ZNF208: variants seen among roughly 807,000 people sequenced by gnomAD.
ZNF208 encodes zinc finger protein 95.
ZNF208 carries 10 observed loss-of-function variants against 12.1 expected under a neutral mutation model. That is an observed-to-expected ratio of 0.83 (90% CI 0.51 to 1.40). The LOEUF (loss-of-function observed/expected upper bound fraction) is 1.40. ZNF208 is among the 40% of genes most tolerant of loss of function. The pLI, the probability that ZNF208 is intolerant of heterozygous loss-of-function variation, is 0.00. For missense variants in ZNF208, 1,652 were observed against 1,485.0 expected (o/e 1.11, Z -1.85); for synonymous variants, 497 against 488.4 (o/e 1.02, Z -0.23).
chr19:22,000,517 C>CA (rs1366391969), intron 1 of ZNF208, among the ~76,000 whole-genome samples: 1 of 151,976 alleles, frequency 6.6e-6, no homozygotes, highest in African/African-American at 2.4e-5. Context: ...CAAATAAGAA[C>CA]AAAAATACAA....
intron 4 of ZNF208, among the ~76,000 whole-genome samples, chr19:21,959,403 C>A (rs1970027714): frequency 6.6e-6 from 1 of 152,144 alleles, no homozygotes; most frequent in African/African-American, 2.4e-5. Flanking sequence ...GAAAAATTAA[C>A]TTATTTTATT....
intron 1 of ZNF208, among the ~76,000 whole-genome samples, chr19:22,000,025 G>A (rs964596690): frequency 2.0e-5 from 3 of 152,104 alleles, no homozygotes; most frequent in African/African-American, 7.2e-5. Flanking sequence ...AGAGAGGAAG[G>A]TGTTATAAAA....
In ZNF208 at chr19:21,968,434, T is replaced by C. The variant is rs1025604683; in HGVS notation, c.*2757A>G. On this transcript the variant is annotated 3_prime_UTR_variant, in exon 4 of 4. Transcript: ENST00000397126. Reference sequence around the variant, plus strand: ...AATATTGGGTTTTCTTGAATGCTTTTTCTGCCCCTACTGTTATTTTTTTTT... The same window carrying C: ...AATATTGGGTTTTCTTGAATGCTTTCTCTGCCCCTACTGTTATTTTTTTTT... The C allele has an allele frequency of 1.3e-5, 2 of 152,118 alleles. No individual in the cohort carries two copies. Among genetic ancestry groups the C allele is most frequent in the African/African-American group, 4.8e-5 (2 of 41,418 alleles). 9.4% of individuals were successfully genotyped at this position (152,118 alleles called of 1,614,324 possible). A position where few individuals can be genotyped will look rare whatever the true frequency, so the allele number is the denominator to read the frequency against.
In ZNF208 at chr19:21,971,906, C is replaced by T. The variant is rs1409393289; in HGVS notation, c.3128G>A (p.Ser1043Asn). 6 of 1,521,576 alleles carry T rather than the reference C, an allele frequency of 3.9e-6. No homozygotes were observed. Among genetic ancestry groups the T allele is most frequent in the Non-Finnish European group, 5.4e-6 (6 of 1,119,176 alleles). 94.3% of individuals were successfully genotyped at this position (1,521,576 alleles called of 1,614,324 possible). Residue 1043 changes from serine (S) to asparagine (N), a missense_variant, in exon 4 of 4, where the codon AGC becomes AAC. Physicochemically the swap from Ser to Asn is conservative, Grantham distance 46. Coordinates refer to ENST00000397126, the MANE Select transcript of ZNF208 (RefSeq NM_007153.3). The stretch of plus-strand genomic sequence containing the variant: ...ATGAGTTGCCTTATGTTCAGTAAGG[C>T]TTGAGGGCCAGCTGAAGGCTTTGTC... ...ECDKAFSWPS[S>N]LTEHKATHAG...
intron 1 of ZNF208, among the ~76,000 whole-genome samples, chr19:22,002,826 A>G (rs772241290): frequency 1.3e-5 from 2 of 152,218 alleles, no homozygotes; most frequent in African/African-American, 2.4e-5. Flanking sequence ...AATATTTTTA[A>G]CAGAACTAAA....
At chr19:21,994,565 T>C (rs1970796514) in intron 1 of ZNF208, among the ~76,000 whole-genome samples, 1 of 152,148 alleles carries the variant, frequency 6.6e-6, no homozygotes, top group South Asian at 2.1e-4. Flanking sequence ...TTTTTAAGCT[T>C]ACTTAAGTAA....
intron 4 of ZNF208, chr19:21,940,772 A>G (rs1308159741): frequency 2.0e-5 from 3 of 152,530 alleles, no homozygotes; most frequent in Non-Finnish European, 2.9e-5. Flanking sequence ...CACGGTGTCT[A>G]CGGGCCCCTG....
chr19:22,001,413 TCTACC>T (rs1473789705), intron 1 of ZNF208, among the ~76,000 whole-genome samples: 1 of 152,164 alleles, frequency 6.6e-6, no homozygotes, highest in Non-Finnish European at 1.5e-5. Context: ...ACAGCTGAAT[TCTACC>T]AGATGTACAA....
At chr19:21,957,671 T>C (rs142375725) in intron 4 of ZNF208, among the ~76,000 whole-genome samples, 1,881 of 152,254 alleles carry the variant, frequency 0.012, 32 homozygotes, top group African/African-American at 0.042. Flanking sequence ...ATCTAAGATT[T>C]CTTTTGGAAC....
intron 4 of ZNF208, among the ~76,000 whole-genome samples, chr19:21,950,624 G>A (rs930484210): frequency 4.0e-5 from 6 of 151,816 alleles, no homozygotes; most frequent in Non-Finnish European, 7.4e-5. Flanking sequence ...CTCCCAAGTA[G>A]CTGGGATTAC....
chr19:22,006,341 C>G (rs539098447), intron 1 of ZNF208, among the ~76,000 whole-genome samples: 1 of 152,060 alleles, frequency 6.6e-6, no homozygotes, highest in Non-Finnish European at 1.5e-5. Flanking sequence ...GTACTTCCTC[C>G]TGTTGTAATA....
chr19:21,987,191 G>C lies in ZNF208; in HGVS notation c.226+25C>G, dbSNP rs1475147034. 2.5e-6 allele frequency: 4 copies of C among 1,599,854 alleles called. No homozygotes were observed. The East Asian group carries it at 6.8e-5, about 27-fold the overall frequency. ...CCTTGACTTTCGACCTCTCATCCATGTTGTCTGTATTCACTCTCACCTACC... is the reference window on the plus strand; with the variant it reads ...CCTTGACTTTCGACCTCTCATCCATCTTGTCTGTATTCACTCTCACCTACC... On this transcript the variant is annotated intron_variant, in intron 3 of 3. Transcript: ENST00000397126.
chr19:21,959,952 C>A (rs1304395453), intron 4 of ZNF208, among the ~76,000 whole-genome samples: 39 of 151,994 alleles, frequency 2.6e-4, no homozygotes, highest in Non-Finnish European at 8.8e-5. Flanking sequence ...ATTTTGTCAG[C>A]TTAGTATTTA....
chr19:21,959,571 CTTTG>C (rs1263137087), intron 4 of ZNF208, among the ~76,000 whole-genome samples: 1 of 152,132 alleles, frequency 6.6e-6, no homozygotes, highest in Non-Finnish European at 1.5e-5. Context: ...TGAATGATCC[CTTTG>C]TTTTTCAGGC....
chr19:21,954,657 C>T (rs147408523), intron 4 of ZNF208, among the ~76,000 whole-genome samples: 118 of 152,092 alleles, frequency 7.8e-4, no homozygotes, highest in African/African-American at 2.2e-3. Context: ...GGATTGCAAC[C>T]CCTGCTTTTT....
At chr19:21,957,836 T>C (rs1970000400) in intron 4 of ZNF208, among the ~76,000 whole-genome samples, 1 of 151,840 alleles carries the variant, frequency 6.6e-6, no homozygotes, top group Non-Finnish European at 1.5e-5. Context: ...TATTTTATTT[T>C]ATTTTATTAT....
intron 3 of ZNF208, among the ~76,000 whole-genome samples, chr19:21,975,797 G>C (rs1164040374): frequency 9.1e-5 from 4 of 43,730 alleles, no homozygotes; most frequent in Non-Finnish European, 1.8e-4. Flanking sequence ...CAGTCCAGAA[G>C]AAAACTGTGT....
intron 3 of ZNF208, among the ~76,000 whole-genome samples, chr19:21,982,229 G>T (rs1970554329): frequency 6.6e-6 from 1 of 151,802 alleles, no homozygotes; most frequent in African/African-American, 2.4e-5. Context: ...ATGGTGGCAG[G>T]CGCCTGTAGT....
chr19:21,966,074 C>T (rs1035925037), downstream of ZNF208: 3 of 150,698 alleles, frequency 2.0e-5, no homozygotes, highest in African/African-American at 5.0e-5. Context: ...TAACCCAGCA[C>T]TGGAAAAATA....
Sources: allele counts gnomAD v4.1 joint callset (sites outside exome capture counted in the v4.1 genomes callset), GRCh38; gene constraint gnomAD v4.1.1; transcripts MANE v1.5; gene names NCBI Gene and HGNC (gene_info 2026-07-23, HGNC 2026-07-21).